Variants in CBLB observed in about 807,000 individuals in gnomAD.
The protein encoded by CBLB is E3 ubiquitin-protein ligase CBL-B.
Under a neutral mutation model 104.9 loss-of-function variants are expected in CBLB, and 31 were observed. The observed-to-expected ratio is 0.30, with a 90% CI of 0.22 to 0.40. CBLB has a LOEUF of 0.40. Ranked by LOEUF, CBLB falls within the 10% of genes least tolerant of loss-of-function variation. The pLI is 1.00. For synonymous variants in CBLB, 440 were observed against 422.6 expected (o/e 1.04, Z -0.51); for missense variants, 1,062 against 1,214.6 (o/e 0.87, Z 1.87).
chr3:105,853,454 C>T lies in CBLB; in HGVS notation c.379G>A (p.Glu127Lys), dbSNP rs2091210414. Residue 127 changes from glutamate (E) to lysine (K), a missense_variant, in exon 3 of 19, where the codon GAA becomes AAA. By Grantham distance (56) the Glu-to-Lys change is moderately conservative. Transcript: ENST00000394030. ...KSKRAIRLFK[E>K]GKERMYEEQS... ...TCTTCATACATTCTCTCCTTGCCTT[C>T]TTTAAAGAGTCTTATTGCCCGTTTT... The T allele has an allele frequency of 6.2e-7, 1 of 1,613,500 alleles. No homozygotes were observed. Among genetic ancestry groups the T allele is most frequent in the Non-Finnish European group, 8.5e-7 (1 of 1,179,674 alleles).
intron 16 of CBLB, among the ~76,000 whole-genome samples, chr3:105,679,668 C>T (rs1183897437): frequency 1.3e-5 from 2 of 151,698 alleles, no homozygotes; most frequent in Non-Finnish European, 2.9e-5. Context: ...CCTGGCTACT[C>T]GGGAGGCTGA....
At chr3:105,728,043 T>C (rs1019032685) in intron 9 of CBLB, among the ~76,000 whole-genome samples, 1 of 152,178 alleles carries the variant, frequency 6.6e-6, no homozygotes, top group Non-Finnish European at 1.5e-5. Flanking sequence ...TTTGGTTCCA[T>C]ATGAAATTTA....
intron 3 of CBLB, among the ~76,000 whole-genome samples, chr3:105,788,651 C>T (rs1444234924): frequency 6.6e-6 from 1 of 152,136 alleles, no homozygotes; most frequent in Non-Finnish European, 1.5e-5. Flanking sequence ...TGTAAAAGTA[C>T]TTAGCTAATT....
intron 3 of CBLB, among the ~76,000 whole-genome samples, chr3:105,825,939 T>C (rs2086500715): frequency 6.6e-6 from 1 of 151,882 alleles, no homozygotes; most frequent in Non-Finnish European, 1.5e-5. Context: ...TGAGAGTATT[T>C]TAATGACATA....
At chr3:105,848,983 T>C (rs749600752) in intron 3 of CBLB, among the ~76,000 whole-genome samples, 1 of 152,138 alleles carries the variant, frequency 6.6e-6, no homozygotes, top group Non-Finnish European at 1.5e-5. Context: ...AATGTACAGA[T>C]TTTCATAGAT....
Position 105,658,176 on chromosome 3 carries a change from T to G in CBLB, c.*794A>C, listed in dbSNP as rs1576052348. 6 of 216,430 alleles carry G rather than the reference T, an allele frequency of 2.8e-5. No homozygotes were observed. The East Asian group carries it at 4.1e-4, about 15-fold the overall frequency. The allele number at this position is 216,430 out of a possible 1,614,324, so 13.4% of individuals were successfully genotyped here. ...GTAGCTGCTTTCTAATATTGTAGAT[T>G]TTTACAGTTGTGACACCCCTGGGAT... On this transcript the variant is annotated 3_prime_UTR_variant, in exon 19 of 19. Coordinates refer to ENST00000394030, the MANE Select transcript of CBLB (RefSeq NM_170662.5).
At chr3:105,809,171 C>G (rs1205198185) in intron 3 of CBLB, among the ~76,000 whole-genome samples, 1 of 152,168 alleles carries the variant, frequency 6.6e-6, no homozygotes, top group Non-Finnish European at 1.5e-5. Flanking sequence ...AATCTTAAAA[C>G]ATAACTTTGG....
At chr3:105,721,414 C>T (rs2072798013) in intron 9 of CBLB, among the ~76,000 whole-genome samples, 1 of 152,168 alleles carries the variant, frequency 6.6e-6, no homozygotes, top group South Asian at 2.1e-4. Flanking sequence ...TGTGGCAGAT[C>T]CTGTGATAGT....
chr3:105,715,027 C>T (rs2071649686), intron 10 of CBLB, among the ~76,000 whole-genome samples: 1 of 152,156 alleles, frequency 6.6e-6, no homozygotes, highest in South Asian at 2.1e-4. Flanking sequence ...TTTTTATATG[C>T]AAATTTTTAT....
chr3:105,684,656 G>A (rs1023022033), intron 14 of CBLB, among the ~76,000 whole-genome samples: 11 of 151,710 alleles, frequency 7.3e-5, no homozygotes, highest in African/African-American at 2.2e-4. Context: ...GGGTTCAAGC[G>A]ATTCTCCTGC....
At chr3:105,859,338 C>G (rs1207641526) in intron 2 of CBLB, among the ~76,000 whole-genome samples, 1 of 152,126 alleles carries the variant, frequency 6.6e-6, no homozygotes, top group Admixed American at 6.5e-5. Flanking sequence ...AAGTGAACTG[C>G]CTCATTCTTA....
intron 12 of CBLB, among the ~76,000 whole-genome samples, chr3:105,697,938 C>G (rs1168812157): frequency 6.6e-6 from 1 of 151,862 alleles, no homozygotes; most frequent in Non-Finnish European, 1.5e-5. Context: ...TTATTTTGCT[C>G]AGATAATTAA....
chr3:105,749,717 C>A (rs979344779), intron 5 of CBLB: 11 of 282,264 alleles, frequency 3.9e-5, no homozygotes, highest in Non-Finnish European at 7.8e-5. Flanking sequence ...TTTAGAATGT[C>A]TTTGTATCAT....
intron 3 of CBLB, among the ~76,000 whole-genome samples, chr3:105,837,072 C>A (rs574295024): frequency 7.9e-5 from 12 of 151,774 alleles, no homozygotes; most frequent in Non-Finnish European, 1.6e-4. Context: ...TACATAAATA[C>A]AAAATAGCCT....
intron 4 of CBLB, among the ~76,000 whole-genome samples, chr3:105,760,202 T>C (rs1049893788): frequency 6.6e-6 from 1 of 152,338 alleles, no homozygotes; most frequent in Non-Finnish European, 1.5e-5. Flanking sequence ...ATAAAATTAT[T>C]TGTACATAAT....
chr3:105,795,362 C>T (rs182681712), intron 3 of CBLB, among the ~76,000 whole-genome samples: 3 of 152,224 alleles, frequency 2.0e-5, no homozygotes, highest in Admixed American at 1.3e-4. Flanking sequence ...AAACCAAAAA[C>T]ACAAGTATAC....
At chr3:105,741,429 T>C (rs1465510746) in intron 6 of CBLB, among the ~76,000 whole-genome samples, 1 of 152,056 alleles carries the variant, frequency 6.6e-6, no homozygotes, top group Non-Finnish European at 1.5e-5. Context: ...AGAGTCTTGC[T>C]CTGTCGCCCA....
At chr3:105,719,306 T>G (rs561376734) in intron 10 of CBLB, among the ~76,000 whole-genome samples, 1 of 152,260 alleles carries the variant, frequency 6.6e-6, no homozygotes, top group Admixed American at 6.5e-5. Context: ...TTTAATTTTA[T>G]ACAAACACTC....
rs188307570 is a variant in CBLB at position 105,661,307 on chromosome 3, G to A, written c.2690-2078C>T. 4.7e-4 allele frequency among the ~76,000 whole-genome samples: 71 copies of A among 152,106 alleles called. 1 individual carries two copies. Among genetic ancestry groups the A allele is most frequent in the African/African-American group, 1.7e-3 (70 of 41,468 alleles). ...ATCGTCTGATAAACTGCGTTTCTTAGTATGTTTTGTAGTTCCATTTATTTT... is the reference window on the plus strand; with the variant it reads ...ATCGTCTGATAAACTGCGTTTCTTAATATGTTTTGTAGTTCCATTTATTTT... On this transcript the variant is annotated intron_variant, in intron 18 of 18. Coordinates refer to ENST00000394030, the MANE Select transcript of CBLB (RefSeq NM_170662.5).
Sources: gnomAD v4.1 joint callset for allele counts (sites outside exome capture counted in the v4.1 genomes callset) on GRCh38, gnomAD v4.1.1 for gene constraint, MANE v1.5 for transcripts, NCBI Gene and HGNC (gene_info 2026-07-23, HGNC 2026-07-21) for gene names.